SUCLG2: variants seen among roughly 807,000 people sequenced by gnomAD.
SUCLG2 encodes succinate--CoA ligase [GDP-forming] subunit beta, mitochondrial.
A neutral mutation model predicts 47.9 loss-of-function variants in SUCLG2; 42 were observed. The ratio of observed to expected loss-of-function variants is 0.88; its 90% confidence interval spans 0.69 to 1.14. The LOEUF (loss-of-function observed/expected upper bound fraction) is 1.14, where lower values mean the gene tolerates loss of function less well. SUCLG2 is among the 50% of genes most tolerant of loss of function. The pLI is 0.00. For synonymous variants in SUCLG2, 195 were observed against 197.3 expected (o/e 0.99, Z 0.10); for missense variants, 571 against 525.9 (o/e 1.09, Z -0.84).
intron 7 of SUCLG2, among the ~76,000 whole-genome samples, chr3:67,498,582 C>T (rs2107068966): frequency 6.6e-6 from 1 of 152,288 alleles, no homozygotes; most frequent in African/African-American, 2.4e-5. Flanking sequence ...AAGTTACAGA[C>T]TGGCACAGCT....
At position 67,486,049 on chromosome 3, in the gene SUCLG2, T is replaced by A. The variant is rs963407729; in HGVS notation, c.1062+9749A>T. 2.0e-5 allele frequency among the ~76,000 whole-genome samples: 3 copies of A among 152,272 alleles called. No individual in the cohort carries two copies. In the East Asian group the frequency reaches 5.8e-4, roughly 29 times the overall value. On this transcript the variant is annotated intron_variant, in intron 9 of 10. Coordinates refer to ENST00000307227, the MANE Select transcript of SUCLG2 (RefSeq NM_003848.4). Reference sequence around the variant, plus strand: ...GCACTTTGGGAGGCTAAGAGGCAGATCGCTTGAGCCCAGGAGTTTGAGACC... The same window carrying A: ...GCACTTTGGGAGGCTAAGAGGCAGAACGCTTGAGCCCAGGAGTTTGAGACC...
intron 1 of SUCLG2, among the ~76,000 whole-genome samples, chr3:67,645,563 G>A (rs1396929244): frequency 1.3e-5 from 2 of 151,828 alleles, no homozygotes; most frequent in Non-Finnish European, 2.9e-5. Flanking sequence ...TTTTTCCATG[G>A]TAATTATAAA....
intron 1 of SUCLG2, among the ~76,000 whole-genome samples, chr3:67,616,366 T>C (rs1700628735): frequency 6.6e-6 from 1 of 152,072 alleles, no homozygotes; most frequent in African/African-American, 2.4e-5. Context: ...GAACAATACA[T>C]ACAGCAGAAG....
intron 9 of SUCLG2, among the ~76,000 whole-genome samples, chr3:67,411,428 A>G (rs1702930091): frequency 6.6e-6 from 1 of 152,152 alleles, no homozygotes; most frequent in African/African-American, 2.4e-5. Flanking sequence ...CTATTTGATC[A>G]TTTAGTTTTC....
intron 1 of SUCLG2, among the ~76,000 whole-genome samples, chr3:67,648,011 G>A (rs941416022): frequency 4.6e-5 from 7 of 152,308 alleles, no homozygotes; most frequent in Non-Finnish European, 7.4e-5. Flanking sequence ...AAAGACCAGC[G>A]AATTTAGCTT....
intron 9 of SUCLG2, among the ~76,000 whole-genome samples, chr3:67,450,447 A>C (rs546894030): frequency 8.5e-5 from 13 of 152,268 alleles, no homozygotes; most frequent in African/African-American, 3.1e-4. Context: ...CTTTCTTGAG[A>C]TTTTCTGGAA....
intron 9 of SUCLG2, among the ~76,000 whole-genome samples, chr3:67,418,277 A>G (rs1309040545): frequency 1.3e-5 from 2 of 152,224 alleles, no homozygotes; most frequent in African/African-American, 4.8e-5. Context: ...ATTAGCAGTC[A>G]GCAATTATTG....
chr3:67,625,653 C>G (rs946495887), intron 1 of SUCLG2, among the ~76,000 whole-genome samples: 1 of 152,208 alleles, frequency 6.6e-6, no homozygotes, highest in South Asian at 2.1e-4. Flanking sequence ...ATGAAAGCTA[C>G]TCACCTTCTC....
chr3:67,493,534 C>A (rs1310175494), intron 9 of SUCLG2, among the ~76,000 whole-genome samples: 1 of 152,090 alleles, frequency 6.6e-6, no homozygotes, highest in Non-Finnish European at 1.5e-5. Flanking sequence ...CCCCATCCTA[C>A]AGGTTTTACA....
intron 9 of SUCLG2, among the ~76,000 whole-genome samples, chr3:67,472,865 G>A (rs143138305): frequency 1.7e-4 from 25 of 150,290 alleles, no homozygotes; most frequent in South Asian, 1.3e-3. Flanking sequence ...ACTACTAAAC[G>A]TATCTAAGAT....
intron 2 of SUCLG2, among the ~76,000 whole-genome samples, chr3:67,607,587 T>C (rs918393525): frequency 2.0e-5 from 3 of 152,128 alleles, no homozygotes; most frequent in Non-Finnish European, 4.4e-5. Context: ...CAGGACCTGA[T>C]CCCTAATATC....
chr3:67,491,485 C>T (rs1705205681), intron 9 of SUCLG2, among the ~76,000 whole-genome samples: 1 of 151,722 alleles, frequency 6.6e-6, no homozygotes, highest in Non-Finnish European at 1.5e-5. Flanking sequence ...CTGCCTCAGC[C>T]TCCCAAGTAG....
chr3:67,461,049 C>T (rs1041499569), intron 9 of SUCLG2, among the ~76,000 whole-genome samples: 6 of 152,306 alleles, frequency 3.9e-5, no homozygotes, highest in African/African-American at 1.4e-4. Flanking sequence ...CCAAGACATT[C>T]ATGAGTCGTA....
At chr3:67,571,662 TA>T (rs1707615116) in intron 2 of SUCLG2, among the ~76,000 whole-genome samples, 1 of 152,230 alleles carries the variant, frequency 6.6e-6, no homozygotes. Context: ...AAACACTGGC[TA>T]AATGTTCACC....
chr3:67,550,055 G>C (rs759588408), intron 2 of SUCLG2, among the ~76,000 whole-genome samples: 1 of 152,058 alleles, frequency 6.6e-6, no homozygotes, highest in Non-Finnish European at 1.5e-5. Context: ...ATAAAGTAAC[G>C]GGCAAAATTG....
intron 2 of SUCLG2, among the ~76,000 whole-genome samples, chr3:67,563,386 A>G (rs182552216): frequency 5.5e-4 from 84 of 152,324 alleles, no homozygotes; most frequent in African/African-American, 1.9e-3. Flanking sequence ...CAAGTCCTCA[A>G]CTAGCTCAGA....
intron 8 of SUCLG2, among the ~76,000 whole-genome samples, chr3:67,496,300 G>T (rs1482600357): frequency 1.3e-5 from 2 of 152,110 alleles, no homozygotes; most frequent in Non-Finnish European, 2.9e-5. Flanking sequence ...GAATCAGGAG[G>T]CAGAGAAACA....
At position 67,547,329 on chromosome 3, in the gene SUCLG2, C is replaced by G. The variant is rs560829653; in HGVS notation, c.227-18143G>C. Among the ~76,000 whole-genome samples, 7 of 152,352 alleles carry G rather than the reference C, an allele frequency of 4.6e-5. No homozygotes were observed. The East Asian group carries it at 1.4e-3, about 29-fold the overall frequency. On this transcript the variant is annotated intron_variant, in intron 2 of 10. Coordinates refer to ENST00000307227, the MANE Select transcript of SUCLG2 (RefSeq NM_003848.4). ...TTCTGTTGTTTATAGGCCACCCAGT[C>G]TCTGGTATTTCCTTACGGCAGCCAG...
At chr3:67,588,959 C>T (rs575267228) in intron 2 of SUCLG2, among the ~76,000 whole-genome samples, 71 of 152,274 alleles carry the variant, frequency 4.7e-4, no homozygotes, top group African/African-American at 1.6e-3. Flanking sequence ...GGAACAAAAT[C>T]CAAGCCCCTT....
Sources: gnomAD v4.1 joint callset for allele counts (sites outside exome capture counted in the v4.1 genomes callset) on GRCh38, gnomAD v4.1.1 for gene constraint, MANE v1.5 for transcripts, NCBI Gene and HGNC (gene_info 2026-07-23, HGNC 2026-07-21) for gene names.